The following MSC variants were observed in gnomAD, a reference collection of about 807,000 sequenced individuals.
The protein encoded by MSC is activated B-cell factor 1, homolog of mouse musculin.
In MSC, 16 loss-of-function variants were observed where a neutral mutation model predicts 14.4. The ratio of observed to expected loss-of-function variants is 1.11; its 90% CI spans 0.75 to 1.69. The LOEUF is 1.69. Ranked by LOEUF, MSC falls within the 40% of genes most tolerant of loss-of-function variation. MSC has a pLI of 0.00. For missense variants in MSC, 320 were observed against 288.1 expected, an observed-to-expected ratio of 1.11 and a Z score of -0.80; for synonymous variants, 165 against 128.5, an observed-to-expected ratio of 1.28 and a Z score of -1.92.
rs1807458645 is a variant in MSC, at chr8:71,844,113, C to T, written c.66G>A (p.Pro22=). Residue 22 remains proline, a synonymous_variant, in exon 1 of 2, where the codon CCG becomes CCA. Transcript: ENST00000325509. ...GGGGCGGCCTCTTGGAGGCGGGGAC[C>T]GGGTACTCCCGCTGCAGCCCCCGAA... is the stretch of plus-strand genomic sequence containing the variant. The part of the protein sequence containing the change: ...MELRGLQREY[P]VPASKRPPLR... The T allele has an allele frequency of 1.3e-6, 2 of 1,522,226 alleles. No individual in the cohort carries two copies. Among genetic ancestry groups the T allele is most frequent in the African/African-American group, 2.8e-5 (2 of 72,120 alleles). The allele number at this position is 1,522,226 out of a possible 1,614,324, so 94.3% of individuals were successfully genotyped here.
At position 71,844,073 on chromosome 8, in the gene MSC, G is replaced by T. The variant is rs1807457194; in HGVS notation, c.106C>A (p.Arg36Ser). ...SKRPPLRGVERSYASPSDNSS... is the reference protein window; with the variant it reads ...SKRPPLRGVESSYASPSDNSS... Reference sequence around the variant, plus strand: ...TTGTCACTGGGCGAGGCGTAGCTGCGCTCTACGCCGCGGAGGGGCGGCCTC... The same window carrying T: ...TTGTCACTGGGCGAGGCGTAGCTGCTCTCTACGCCGCGGAGGGGCGGCCTC... Residue 36 changes from arginine to serine, a missense_variant, in exon 1 of 2, where the codon CGC (arginine) becomes AGC (serine). Transcript: ENST00000325509. 2 of 1,524,820 alleles carry T rather than the reference G, an allele frequency of 1.3e-6. No homozygotes were observed. Among genetic ancestry groups the T allele is most frequent in the African/African-American group, 1.4e-5 (1 of 72,140 alleles). The allele number at this position is 1,524,820 out of a possible 1,614,324, so 94.5% of individuals were successfully genotyped here.
rs1486672175 is a variant in MSC, at chr8:71,843,608, G to T, written c.534+37C>A. 7 of 1,613,804 alleles carry T rather than the reference G, an allele frequency of 4.3e-6. No homozygotes were observed. In the African/African-American group the frequency reaches 6.7e-5, roughly 15 times the overall value. ...CCCAGGAGCGCCCTGGGTATCTCCTGGCTGCTCTCCCGAATCCTTGCGCGC... is the reference window on the plus strand; with the variant it reads ...CCCAGGAGCGCCCTGGGTATCTCCTTGCTGCTCTCCCGAATCCTTGCGCGC... On this transcript the variant is annotated intron_variant, in intron 1 of 1. Transcript: ENST00000325509.
In MSC at chr8:71,842,747, T is replaced by A. The variant is rs1431113352; in HGVS notation, c.535A>T (p.Thr179Ser). The change falls in exon 2 of 2, where the codon ACA becomes TCA. Residue 179 changes from threonine to serine, a missense_variant and splice_region_variant. By Grantham distance (58) the Thr-to-Ser change is moderately conservative. Coordinates refer to ENST00000325509, the MANE Select transcript of MSC (RefSeq NM_005098.4). ...ENGYVHPVNL[T>S]WPFVVSGRPD... Reference sequence around the variant, plus strand: ...CTTCCCGAGACCACGAATGGCCATGTCTGTAAATCAAAAAGAACGTGAGAT... The same window carrying A: ...CTTCCCGAGACCACGAATGGCCATGACTGTAAATCAAAAAGAACGTGAGAT... 4 of 1,613,870 alleles carry A rather than the reference T, an allele frequency of 2.5e-6. No individual in the cohort carries two copies. The highest frequency in any genetic ancestry group is 3.3e-4 in the Middle Eastern group (2 of 6,082).
chr8:71,843,632 G>A lies in MSC; in HGVS notation c.534+13C>T, dbSNP rs756414789. ...TGGCTGCTCTCCCGAATCCTTGCGC[G>A]CCGCGCCCCTACCAGGTTCACTGGG... On this transcript the variant is annotated intron_variant, in intron 1 of 1. Coordinates refer to ENST00000325509, the MANE Select transcript of MSC (RefSeq NM_005098.4). 2 of 1,613,960 alleles carry A rather than the reference G, an allele frequency of 1.2e-6. No homozygotes were observed. The highest frequency in any genetic ancestry group is 1.3e-5 in the African/African-American group (1 of 74,950).
intron 1 of MSC, 105 bp from the exon 2 acceptor site, chr8:71,842,852 A>T (rs1807413612): frequency 1.0e-6 from 1 of 958,532 alleles, no homozygotes; most frequent in Non-Finnish European, 1.7e-6. Context: ...AGTAGCTAAG[A>T]TTTTATCAGC....
At position 71,843,050 on chromosome 8, in the gene MSC, G is replaced by GCACA. The variant is rs59293389; in HGVS notation, c.535-307_535-304dup. On this transcript the variant is annotated intron_variant, in intron 1 of 1. Transcript: ENST00000325509. Reference sequence around the variant, plus strand: ...TTCCCCAACACACACACACACACACGCACACACACACACACACACACACAC... The same window carrying GCACA: ...TTCCCCAACACACACACACACACACGCACACACACACACACACACACACACACAC... 1,196 of 168,030 alleles carry GCACA rather than the reference G, an allele frequency of 7.1e-3. 8 individuals carry two copies. Among genetic ancestry groups the GCACA allele is most frequent in the East Asian group, 0.047 (321 of 6,782 alleles). The allele number at this position is 168,030 out of a possible 1,614,324, so 10.4% of individuals were successfully genotyped here. A position where few individuals can be genotyped will look rare whatever the true frequency, so the allele number is the denominator to read the frequency against.
chr8:71,842,431 T>A lies in MSC; in HGVS notation c.*230A>T. On this transcript the variant is annotated 3_prime_UTR_variant, in exon 2 of 2. Transcript: ENST00000325509. ...GCGTCTCGTCACGAAAGGAAGCTCT[T>A]TTTGGAGAGGCAAAACGTGGTCGCC... The A allele has an allele frequency of 1.8e-6, 1 of 547,820 alleles. No homozygotes were observed. Among genetic ancestry groups the A allele is most frequent in the Non-Finnish European group, 3.3e-6 (1 of 300,062 alleles). 33.9% of individuals were successfully genotyped at this position (547,820 alleles called of 1,614,324 possible). A position where few individuals can be genotyped will look rare whatever the true frequency, so the allele number is the denominator to read the frequency against.
At chr8:71,843,271 A>C (rs1807427182) in intron 1 of MSC, 3 of 385,788 alleles carry the variant, frequency 7.8e-6, no homozygotes, top group Non-Finnish European at 1.5e-5. Context: ...TCCTTTAAGA[A>C]AGGGCTTGCC....
intron 1 of MSC, chr8:71,842,998 A>G (rs973855009): frequency 2.4e-6 from 1 of 410,034 alleles, no homozygotes; most frequent in African/African-American, 2.1e-5. Context: ...AACTCATCTG[A>G]CTTTGAGGTT....
Position 71,842,484 on chromosome 8 carries a change from C to CTACA in MSC, c.*176_*177insTGTA, listed in dbSNP as rs1807403002. Reference sequence around the variant, plus strand: ...GATCCGGCGCAGCTGTAGCCGTGGGCGCTGTGCAGTGACAGCCACACCCGC... The same window carrying CTACA: ...GATCCGGCGCAGCTGTAGCCGTGGGCTACAGCTGTGCAGTGACAGCCACACCCGC... On this transcript the variant is annotated 3_prime_UTR_variant, in exon 2 of 2. Transcript: ENST00000325509. 2.9e-6 allele frequency: 2 copies of CTACA among 685,960 alleles called. No individual in the cohort carries two copies. Among genetic ancestry groups the CTACA allele is most frequent in the African/African-American group, 3.5e-5 (2 of 56,466 alleles). 42.5% of individuals were successfully genotyped at this position (685,960 alleles called of 1,614,324 possible). A position where few individuals can be genotyped will look rare whatever the true frequency, so the allele number is the denominator to read the frequency against.
chr8:71,841,837 G>A lies in MSC; in HGVS notation c.*824C>T, dbSNP rs755653797. On this transcript the variant is annotated 3_prime_UTR_variant, in exon 2 of 2. Transcript: ENST00000325509. ...GGTGCTGCAGGTAGGAGCAGGAGCG[G>A]GGCGGAGAGGGAGGCCCGAAGAAGA... is the stretch of plus-strand genomic sequence containing the variant. The A allele has an allele frequency of 6.5e-6, 1 of 153,096 alleles. No individual in the cohort carries two copies. The highest frequency in any genetic ancestry group is 1.5e-5 in the Non-Finnish European group (1 of 68,598). The allele number at this position is 153,096 out of a possible 1,614,324, so 9.5% of individuals were successfully genotyped here. A position where few individuals can be genotyped will look rare whatever the true frequency, so the allele number is the denominator to read the frequency against.
In MSC at chr8:71,843,879, T is replaced by A; in HGVS notation, c.300A>T (p.Ser100=). ...GGKKPLPAKG[S]AAECKQSQRN... ...GCTGCGACTGCTTGCACTCTGCGGC[T>A]GAGCCCTTGGCCGGGAGGGGCTTCT... The change falls in exon 1 of 2, where the codon TCA becomes TCT. Residue 100 remains serine, a synonymous_variant. Transcript: ENST00000325509. The A allele has an allele frequency of 6.2e-7, 1 of 1,608,830 alleles. No individual in the cohort carries two copies. The highest frequency in any genetic ancestry group is 8.5e-7 in the Non-Finnish European group (1 of 1,177,868).
chr8:71,844,159 C>T lies in MSC; in HGVS notation c.20G>A (p.Ser7Asn), dbSNP rs978543679. ...CCGAAGCTCCATCTCCTCCGGATCA[C>T]TCACCGAGCCCGTGGACATCCCGTT... MSTGSV[S>N]DPEEMELRGL... The change falls in exon 1 of 2, where the codon AGT becomes AAT. Residue 7 changes from serine to asparagine, a missense_variant. Transcript: ENST00000325509. 6.5e-7 allele frequency: 1 copy of T among 1,549,586 alleles called. No homozygotes were observed.
In MSC at chr8:71,841,575, GC is replaced by G. The variant is rs1248811090; in HGVS notation, c.*1085del. 2.0e-5 allele frequency: 3 copies of G among 152,056 alleles called. No individual in the cohort carries two copies. Among genetic ancestry groups the G allele is most frequent in the Non-Finnish European group, 4.4e-5 (3 of 68,012 alleles). The allele number at this position is 152,056 out of a possible 1,614,324, so 9.4% of individuals were successfully genotyped here. A position where few individuals can be genotyped will look rare whatever the true frequency, so the allele number is the denominator to read the frequency against. On this transcript the variant is annotated 3_prime_UTR_variant, in exon 2 of 2. Transcript: ENST00000325509. ...CCAAGGGGCACACGGTTTTTACAGC[GC>G]GTTTTATTATTCATAAAAAAATAAA...
chr8:71,843,637 GC>G lies in MSC; in HGVS notation c.534+7del. 6.2e-7 allele frequency: 1 copy of G among 1,614,084 alleles called. No individual in the cohort carries two copies. Among genetic ancestry groups the G allele is most frequent in the Non-Finnish European group, 8.5e-7 (1 of 1,179,988 alleles). ...GCTCTCCCGAATCCTTGCGCGCCGC[GC>G]CCCTACCAGGTTCACTGGGTGCACG... On this transcript the variant is annotated splice_region_variant and intron_variant, in intron 1 of 1. Transcript: ENST00000325509.
chr8:71,842,515 G>T lies in MSC; in HGVS notation c.*146C>A. On this transcript the variant is annotated 3_prime_UTR_variant, in exon 2 of 2. Coordinates refer to ENST00000325509, the MANE Select transcript of MSC (RefSeq NM_005098.4). ...GCAGTGACAGCCACACCCGCCACCTGTCACGATCACAGTTCCAGGGAAAGG... is the reference window on the plus strand; with the variant it reads ...GCAGTGACAGCCACACCCGCCACCTTTCACGATCACAGTTCCAGGGAAAGG... 1.2e-6 allele frequency: 1 copy of T among 831,786 alleles called. No homozygotes were observed. 51.5% of individuals were successfully genotyped at this position (831,786 alleles called of 1,614,324 possible).
rs775102925 is a variant in MSC, at chr8:71,844,167, G to T, written c.12C>A (p.Gly4=). The change falls in exon 1 of 2, where the codon GGC becomes GGA. Residue 4 remains glycine (G), a synonymous_variant. Coordinates refer to ENST00000325509, the MANE Select transcript of MSC (RefSeq NM_005098.4). MST[G]SVSDPEEMEL... ...CCATCTCCTCCGGATCACTCACCGA[G>T]CCCGTGGACATCCCGTTGTCCCCCT... 4 of 1,559,680 alleles carry T rather than the reference G, an allele frequency of 2.6e-6. No individual in the cohort carries two copies. The highest frequency in any genetic ancestry group is 2.4e-5 in the South Asian group (2 of 83,428).
chr8:71,843,637 G>A lies in MSC; in HGVS notation c.534+8C>T, dbSNP rs371926642. 10 of 1,614,084 alleles carry A rather than the reference G, an allele frequency of 6.2e-6. No individual in the cohort carries two copies. In the African/African-American group the frequency reaches 1.1e-4, roughly 17 times the overall value. Reference sequence around the variant, plus strand: ...GCTCTCCCGAATCCTTGCGCGCCGCGCCCCTACCAGGTTCACTGGGTGCAC... The same window carrying A: ...GCTCTCCCGAATCCTTGCGCGCCGCACCCCTACCAGGTTCACTGGGTGCAC... On this transcript the variant is annotated splice_region_variant and intron_variant, in intron 1 of 1. Coordinates refer to ENST00000325509, the MANE Select transcript of MSC (RefSeq NM_005098.4).
Position 71,844,048 on chromosome 8 carries a change from TTGTCACTGGG to T in MSC, c.121_130del (p.Pro41ThrfsTer80). 2 of 1,548,254 alleles carry T rather than the reference TTGTCACTGGG, an allele frequency of 1.3e-6. No individual in the cohort carries two copies. Among genetic ancestry groups the T allele is most frequent in the East Asian group, 2.3e-5 (1 of 42,688 alleles). ...GGGGTCCTCCTCCTCTGCCGACGAGTTGTCACTGGGCGAGGCGTAGCTGCGCTCTACGCCG... is the reference window on the plus strand; with the variant it reads ...GGGGTCCTCCTCCTCTGCCGACGAGTCGAGGCGTAGCTGCGCTCTACGCCG... On this transcript the variant is annotated frameshift_variant, in exon 1 of 2. Coordinates refer to ENST00000325509, the MANE Select transcript of MSC (RefSeq NM_005098.4). LOFTEE classifies it high-confidence loss of function.
Sources: allele counts gnomAD v4.1 joint callset, GRCh38; gene constraint gnomAD v4.1.1; transcripts MANE v1.5; gene names NCBI Gene and HGNC (gene_info 2026-07-23, HGNC 2026-07-21).